Variants in UPP2 observed in about 807,000 individuals in gnomAD.
UPP2 encodes UPase 2.
UPP2 carries 23 observed loss-of-function variants against 26.7 expected under a neutral mutation model. The ratio of observed to expected loss-of-function variants is 0.86; its 90% CI spans 0.62 to 1.22. UPP2 has a LOEUF of 1.22. Ranked by LOEUF, UPP2 falls within the 50% of genes most tolerant of loss-of-function variation. The probability of loss-of-function intolerance (pLI) is 0.00; values close to 1 mark genes in which losing one functional copy is unlikely to be tolerated. For missense variants in UPP2, 387 were observed against 396.7 expected, an observed-to-expected ratio of 0.98 and a Z score of 0.21; for synonymous variants, 127 against 141.3, an observed-to-expected ratio of 0.90 and a Z score of 0.72.
chr2:158,094,267 A>T (rs1028905731), intron 3 of UPP2, among the ~76,000 whole-genome samples: 1 of 152,130 alleles, frequency 6.6e-6, no homozygotes, highest in Non-Finnish European at 1.5e-5. Flanking sequence ...TAAATATGGC[A>T]AAATGTAACA....
chr2:158,133,276 C>T (rs577155035), intron 6 of UPP2, among the ~76,000 whole-genome samples: 1 of 152,204 alleles, frequency 6.6e-6, no homozygotes, highest in African/African-American at 2.4e-5. Flanking sequence ...CACAGATAGA[C>T]AAATACTGTA....
At chr2:158,000,155 C>T (rs1488748639) in intron 2 of UPP2, among the ~76,000 whole-genome samples, 1 of 151,778 alleles carries the variant, frequency 6.6e-6, no homozygotes, top group Non-Finnish European at 1.5e-5. Context: ...CCTCTGTCTC[C>T]TGGGTTCAAG....
At chr2:158,052,269 G>A (rs1682171693) in intron 3 of UPP2, among the ~76,000 whole-genome samples, 1 of 152,142 alleles carries the variant, frequency 6.6e-6, no homozygotes, top group South Asian at 2.1e-4. Flanking sequence ...TGAGTCTAAG[G>A]TCCAATAAAC....
intron 2 of UPP2, among the ~76,000 whole-genome samples, chr2:158,107,807 C>G (rs537704626): frequency 6.6e-6 from 1 of 152,214 alleles, no homozygotes; most frequent in Admixed American, 6.5e-5. Flanking sequence ...AGGTGACCCA[C>G]CCTTTCTTCA....
intron 6 of UPP2, chr2:158,126,550 C>CG (rs1314268437): frequency 3.3e-5 from 5 of 152,164 alleles, no homozygotes; most frequent in African/African-American, 1.2e-4. Flanking sequence ...GTATAGAGAC[C>CG]GAAAACCCCA....
At chr2:158,040,247 TTCTAAC>T (rs2105163184) in intron 3 of UPP2, among the ~76,000 whole-genome samples, 2 of 152,304 alleles carry the variant, frequency 1.3e-5, no homozygotes, top group Admixed American at 1.3e-4. Context: ...ATAATTGGAT[TTCTAAC>T]TCTATTTGTT....
chr2:158,051,231 C>T (rs910734291), intron 3 of UPP2, among the ~76,000 whole-genome samples: 3 of 150,252 alleles, frequency 2.0e-5, no homozygotes, highest in East Asian at 2.0e-4. Context: ...TTCATAACAA[C>T]GCAGTCTGTC....
intron 3 of UPP2, among the ~76,000 whole-genome samples, chr2:158,085,883 T>G (rs1682807041): frequency 6.6e-6 from 1 of 152,158 alleles, no homozygotes; most frequent in South Asian, 2.1e-4. Flanking sequence ...CTTTTTGATA[T>G]GCTGTTAGAT....
chr2:158,003,623 A>G (rs1683442664), intron 2 of UPP2, among the ~76,000 whole-genome samples: 1 of 151,628 alleles, frequency 6.6e-6, no homozygotes. Context: ...CAGGAGAATC[A>G]CTTGAACTTG....
At chr2:158,124,977 C>A (rs1266597638) in intron 6 of UPP2, among the ~76,000 whole-genome samples, 1 of 152,126 alleles carries the variant, frequency 6.6e-6, no homozygotes, top group Non-Finnish European at 1.5e-5. Flanking sequence ...GCATTTAAAG[C>A]TATGCAATGG....
intron 3 of UPP2, among the ~76,000 whole-genome samples, chr2:158,117,499 G>C (rs1185843347): frequency 6.6e-6 from 1 of 151,940 alleles, no homozygotes; most frequent in Non-Finnish European, 1.5e-5. Flanking sequence ...TCATCATGAA[G>C]AGCCCAGTGG....
intron 2 of UPP2, among the ~76,000 whole-genome samples, chr2:157,999,101 A>T (rs1683366149): frequency 6.6e-6 from 1 of 151,984 alleles, no homozygotes; most frequent in South Asian, 2.1e-4. Flanking sequence ...TTTCAATCCC[A>T]TCTAGTTTAT....
Position 158,065,918 on chromosome 2 carries a change from AGAT to A in UPP2, c.148-36114_148-36112del, listed in dbSNP as rs1191378069. On this transcript the variant is annotated intron_variant, in intron 3 of 9. Transcript: ENST00000605860. Reference sequence around the variant, plus strand: ...TAGCATTAATTGAAGGCAAAATGAAAGATGATGATGCAGTACAATTCGCAAGAA... The same window carrying A: ...TAGCATTAATTGAAGGCAAAATGAAAGATGATGCAGTACAATTCGCAAGAA... The A allele has an allele frequency of 1.6e-5, 9 of 576,744 alleles. No individual in the cohort carries two copies. In the African/African-American group the frequency reaches 1.7e-4, roughly 11 times the overall value. 35.7% of individuals were successfully genotyped at this position (576,744 alleles called of 1,614,324 possible).
chr2:158,121,667 T>G (rs757145531), intron 5 of UPP2, 49 bp downstream of exon 5: 2 of 1,487,194 alleles, frequency 1.3e-6, no homozygotes, highest in Admixed American at 3.5e-5. Context: ...TGCCAGCAAC[T>G]CTTTGTTATT....
At chr2:158,111,426 A>G (rs1683317578) in intron 2 of UPP2, among the ~76,000 whole-genome samples, 2 of 152,074 alleles carry the variant, frequency 1.3e-5, no homozygotes, top group Admixed American at 6.6e-5. Flanking sequence ...TAAAGCTTGC[A>G]TGGTCTATAT....
At position 158,000,013 on chromosome 2, in the gene UPP2, T is replaced by C. The variant is rs539792194; in HGVS notation, c.61+4754T>C. Among the ~76,000 whole-genome samples the C allele has an allele frequency of 3.9e-5, 6 of 152,136 alleles. 1 individual carries two copies. The South Asian group carries it at 6.2e-4, about 16-fold the overall frequency. On this transcript the variant is annotated intron_variant, in intron 2 of 9. Coordinates refer to the UPP2 transcript ENST00000605860. Reference sequence around the variant, plus strand: ...TAAAACTTTTCAAAATAAGTATTAATGTAAGAATGGTAGAAAAGATAATAT... The same window carrying C: ...TAAAACTTTTCAAAATAAGTATTAACGTAAGAATGGTAGAAAAGATAATAT...
chr2:158,081,943 T>C (rs895999195), intron 3 of UPP2, among the ~76,000 whole-genome samples: 22 of 151,616 alleles, frequency 1.5e-4, no homozygotes, highest in Non-Finnish European at 3.2e-4. Context: ...GGTGTTTGGT[T>C]ACATGAATAA....
chr2:158,036,889 G>A (rs1684009729), intron 3 of UPP2, among the ~76,000 whole-genome samples: 1 of 152,092 alleles, frequency 6.6e-6, no homozygotes, highest in Non-Finnish European at 1.5e-5. Flanking sequence ...ACACAGACAC[G>A]GAGACCCCAA....
At chr2:158,115,301 A>G in intron 3 of UPP2, 42 bp downstream of exon 3, 5 of 1,520,992 alleles carry the variant, frequency 3.3e-6, no homozygotes, top group Non-Finnish European at 4.4e-6. Context: ...ATTGCAGGCT[A>G]GAGAAAAAAG....
Sources: gnomAD v4.1 joint callset for allele counts (sites outside exome capture counted in the v4.1 genomes callset) on GRCh38, gnomAD v4.1.1 for gene constraint, MANE v1.5 for transcripts, NCBI Gene and HGNC (gene_info 2026-07-23, HGNC 2026-07-21) for gene names.